The following FBXO17 variants were observed in gnomAD, a reference collection of about 807,000 sequenced individuals.
FBXO17 encodes F-box protein 17.
In FBXO17, 43 loss-of-function variants were observed where a neutral mutation model predicts 34.1. The ratio of observed to expected loss-of-function variants is 1.26; its 90% CI spans 0.99 to 1.62. FBXO17 has a LOEUF of 1.62. Ranked by LOEUF, FBXO17 falls within the 40% of genes most tolerant of loss-of-function variation. FBXO17 has a pLI of 0.00. For synonymous variants in FBXO17, 169 were observed against 166.0 expected, an observed-to-expected ratio of 1.02 and a Z score of -0.14; for missense variants, 424 against 386.7, an observed-to-expected ratio of 1.10 and a Z score of -0.81.
At chr19:38,962,798 C>A (rs1975270877) in intron 1 of FBXO17, among the ~76,000 whole-genome samples, 1 of 151,888 alleles carries the variant, frequency 6.6e-6, no homozygotes, top group South Asian at 2.1e-4. Context: ...CTCACCGCAA[C>A]CTCTGCCTCC....
chr19:38,961,922 CAA>C (rs2144834868), intron 1 of FBXO17, among the ~76,000 whole-genome samples: 1 of 152,180 alleles, frequency 6.6e-6, no homozygotes, highest in East Asian at 1.9e-4. Flanking sequence ...GTCGGCCTCC[CAA>C]AGTGCTGGGA....
rs1974908510 is a variant in FBXO17 at position 38,942,675 on chromosome 19, G to C, written c.770C>G (p.Ser257Cys). ...SFEQYGRDVSSWVGHYGALVT... is the reference protein window; with the variant it reads ...SFEQYGRDVSCWVGHYGALVT... Reference sequence around the variant, plus strand: ...AAGGGCGCCATAGTGCCCCACCCAGGAACTCACGTCTCTCCCGTACTGCTC... The same window carrying C: ...AAGGGCGCCATAGTGCCCCACCCAGCAACTCACGTCTCTCCCGTACTGCTC... Residue 257 changes from serine to cysteine, a missense_variant, in exon 6 of 6, where the codon TCC (serine) becomes TGC (cysteine). Transcript: ENST00000292852. 6.2e-7 allele frequency: 1 copy of C among 1,602,126 alleles called. No homozygotes were observed. Among genetic ancestry groups the C allele is most frequent in the Non-Finnish European group, 8.5e-7 (1 of 1,175,434 alleles).
chr19:38,948,738 C>T (rs952949791), intron 2 of FBXO17, 60 bp from the exon 3 acceptor site: 94 of 1,454,228 alleles, frequency 6.5e-5, no homozygotes, highest in African/African-American at 5.6e-4. Context: ...GAAGAGACCC[C>T]GCAACCAGCC....
At chr19:38,943,119 G>A (rs1431246782) in intron 5 of FBXO17, among the ~76,000 whole-genome samples, 2 of 152,150 alleles carry the variant, frequency 1.3e-5, no homozygotes, top group African/African-American at 4.8e-5. Flanking sequence ...CCCTGAGGTG[G>A]GAGAATGCCT....
At position 38,946,582 on chromosome 19, in the gene FBXO17, T is replaced by C. The variant is rs547226897; in HGVS notation, c.462-15A>G. 123 of 1,613,220 alleles carry C rather than the reference T, an allele frequency of 7.6e-5. 2 individuals are homozygous for C. In the South Asian group the frequency reaches 1.3e-3, roughly 17 times the overall value. ...TGGAGCACCATCTGGGAAGGAGAGA[T>C]GGCAGGGGGCAGGGCAAACAGTCCT... On this transcript the variant is annotated splice_polypyrimidine_tract_variant and intron_variant, in intron 3 of 5. Coordinates refer to ENST00000292852, the MANE Select transcript of FBXO17 (RefSeq NM_024907.7).
chr19:38,943,939 C>T (rs767183535), intron 5 of FBXO17, among the ~76,000 whole-genome samples: 49 of 152,236 alleles, frequency 3.2e-4, no homozygotes, highest in Middle Eastern at 3.4e-3. Context: ...AGTTGATTCA[C>T]GATATTATGC....
chr19:38,974,661 A>G (rs1387709373), intron 1 of FBXO17, among the ~76,000 whole-genome samples: 1 of 152,212 alleles, frequency 6.6e-6, no homozygotes, highest in Non-Finnish European at 1.5e-5. Flanking sequence ...AGAAATAACA[A>G]TCCAAAAATA....
intron 1 of FBXO17, among the ~76,000 whole-genome samples, chr19:38,968,057 C>T (rs751399736): frequency 3.3e-5 from 5 of 152,060 alleles, no homozygotes; most frequent in Admixed American, 6.6e-5. Context: ...AAGTTGAGGC[C>T]AGGCTCGGTG....
At chr19:38,946,295 C>A in intron 4 of FBXO17, 177 bp downstream of exon 4, 1 of 1,132,808 alleles carries the variant, frequency 8.8e-7, no homozygotes, top group South Asian at 1.6e-5. Flanking sequence ...GGGGCTCTGG[C>A]TTCTCCAAAG....
chr19:38,967,196 G>T (rs894188483), intron 1 of FBXO17, among the ~76,000 whole-genome samples: 1 of 152,174 alleles, frequency 6.6e-6, no homozygotes, highest in Non-Finnish European at 1.5e-5. Context: ...AGTGGCTCAC[G>T]CCTGTAATCC....
At chr19:38,950,821 G>T (rs1166737423) in intron 1 of FBXO17, among the ~76,000 whole-genome samples, 1 of 151,612 alleles carries the variant, frequency 6.6e-6, no homozygotes, top group African/African-American at 2.4e-5. Context: ...ACACAGTCTT[G>T]CTCTGTTGCC....
intron 1 of FBXO17, among the ~76,000 whole-genome samples, chr19:38,952,189 C>A (rs1404898714): frequency 6.6e-6 from 1 of 152,070 alleles, no homozygotes; most frequent in African/African-American, 2.4e-5. Flanking sequence ...TCAAGTGATC[C>A]ACCTGTCTCA....
chr19:38,942,433 T>A lies in FBXO17; in HGVS notation c.*175A>T, dbSNP rs914885617. 3 of 595,882 alleles carry A rather than the reference T, an allele frequency of 5.0e-6. No homozygotes were observed. The highest frequency in any genetic ancestry group is 2.0e-5 in the African/African-American group (1 of 51,030). 36.9% of individuals were successfully genotyped at this position (595,882 alleles called of 1,614,324 possible). On this transcript the variant is annotated 3_prime_UTR_variant, in exon 6 of 6. Coordinates refer to ENST00000292852, the MANE Select transcript of FBXO17 (RefSeq NM_024907.7). ...GCACCACCATGCCTGGCTAATTTTT[T>A]AAAAATTATTTGTGGAGACGGTTTC...
rs567638780 is a variant in FBXO17 at position 38,954,805 on chromosome 19, C to T, written c.-17-4469G>A. On this transcript the variant is annotated intron_variant, in intron 1 of 5. Transcript: ENST00000292852. The stretch of plus-strand genomic sequence containing the variant: ...ATGTTGGCCAGGCTGTTCTCAAACT[C>T]CTGACCTCAGGTGATCCGCCCACCT... Among the ~76,000 whole-genome samples, 18 of 151,262 alleles carry T rather than the reference C, an allele frequency of 1.2e-4. No homozygotes were observed. In the East Asian group the frequency reaches 3.5e-3, roughly 29 times the overall value.
chr19:38,942,401 A>G lies in FBXO17; in HGVS notation c.*207T>C, dbSNP rs1405441857. 7.2e-6 allele frequency: 3 copies of G among 416,946 alleles called. No homozygotes were observed. Among genetic ancestry groups the G allele is most frequent in the African/African-American group, 2.1e-5 (1 of 47,466 alleles). The allele number at this position is 416,946 out of a possible 1,614,324, so 25.8% of individuals were successfully genotyped here. The stretch of plus-strand genomic sequence containing the variant: ...CCAAGCCTCCTGAGTAGCTGGGACT[A>G]CAGGCGGCACCACCATGCCTGGCTA... On this transcript the variant is annotated 3_prime_UTR_variant, in exon 6 of 6. Coordinates refer to ENST00000292852, the MANE Select transcript of FBXO17 (RefSeq NM_024907.7).
intron 1 of FBXO17, among the ~76,000 whole-genome samples, chr19:38,964,019 A>G (rs1975288928): frequency 6.6e-6 from 1 of 152,066 alleles, no homozygotes; most frequent in South Asian, 2.1e-4. Flanking sequence ...CCTGACCTCA[A>G]GTGATCTGCC....
rs578261357 is a variant in FBXO17 at position 38,949,052 on chromosome 19, C to A, written c.350-374G>T. Among the ~76,000 whole-genome samples the A allele has an allele frequency of 6.6e-5, 10 of 152,260 alleles. No homozygotes were observed. In the East Asian group the frequency reaches 1.7e-3, roughly 26 times the overall value. ...TCAAGCGATCCTCCCACATCAGCCT[C>A]CAGAGTAGCTAGGACCACAGGTGCA... is the stretch of plus-strand genomic sequence containing the variant. On this transcript the variant is annotated intron_variant, in intron 2 of 5. Transcript: ENST00000292852.
intron 1 of FBXO17, among the ~76,000 whole-genome samples, chr19:38,958,742 G>C (rs1361309327): frequency 1.3e-5 from 2 of 152,138 alleles, no homozygotes; most frequent in African/African-American, 4.8e-5. Flanking sequence ...TTCAAAAGTG[G>C]CTATGAGAAC....
At chr19:38,965,347 G>C (rs1269227231) in intron 1 of FBXO17, among the ~76,000 whole-genome samples, 1 of 103,606 alleles carries the variant, frequency 9.7e-6, no homozygotes, top group Non-Finnish European at 1.9e-5. Flanking sequence ...TTTTTTTTTT[G>C]AGATGGAGTC....
Sources: allele counts gnomAD v4.1 joint callset (sites outside exome capture counted in the v4.1 genomes callset), GRCh38; gene constraint gnomAD v4.1.1; transcripts MANE v1.5; gene names NCBI Gene and HGNC (gene_info 2026-07-23, HGNC 2026-07-21).